ZMYM5: variants seen among roughly 807,000 people sequenced by gnomAD.
ZMYM5 encodes the protein zinc finger MYM-type protein 5.
A neutral mutation model predicts 61.8 loss-of-function variants in ZMYM5; 41 were observed. The observed-to-expected ratio is 0.66, with a 90% CI of 0.52 to 0.86. The LOEUF (loss-of-function observed/expected upper bound fraction) is 0.86, where lower values mean the gene tolerates loss of function less well. Among genes scored for constraint, ZMYM5 ranks in the 40% least tolerant of loss-of-function variants. ZMYM5 has a pLI of 0.00. For missense variants in ZMYM5, 706 were observed against 786.7 expected (o/e 0.90, Z 1.23); for synonymous variants, 257 against 276.4 (o/e 0.93, Z 0.70).
At chr13:19,863,292 G>A (rs1394457521) in intron 1 of ZMYM5, among the ~76,000 whole-genome samples, 158 bp downstream of exon 1, 1 of 151,558 alleles carries the variant, frequency 6.6e-6, no homozygotes, top group Non-Finnish European at 1.5e-5. Flanking sequence ...CAGCCCCTCA[G>A]GCCGGACGCA....
In ZMYM5 at chr13:19,824,371, C is replaced by A; in HGVS notation, c.*106G>T. 1 of 978,600 alleles carries A rather than the reference C, an allele frequency of 1.0e-6. No homozygotes were observed. The highest frequency in any genetic ancestry group is 1.3e-6 in the Non-Finnish European group (1 of 789,730). The allele number at this position is 978,600 out of a possible 1,614,324, so 60.6% of individuals were successfully genotyped here. On this transcript the variant is annotated 3_prime_UTR_variant, in exon 8 of 8. Transcript: ENST00000337963. ...ATTGCTAAGGAACTGCTGCAAGTTA[C>A]TCTGTAGAGGAGACTTACAACACAA... is the stretch of plus-strand genomic sequence containing the variant.
intron 7 of ZMYM5, among the ~76,000 whole-genome samples, chr13:19,831,823 A>G (rs1436779139): frequency 7.5e-6 from 1 of 133,256 alleles, no homozygotes; most frequent in Non-Finnish European, 1.6e-5. Context: ...AACCATATGT[A>G]TAGGTGTATG....
chr13:19,829,430 C>G (rs1421590183), intron 7 of ZMYM5, among the ~76,000 whole-genome samples: 1 of 151,974 alleles, frequency 6.6e-6, no homozygotes, highest in Non-Finnish European at 1.5e-5. Flanking sequence ...TAGCTGGGAC[C>G]ACAGGGGCAT....
At chr13:19,844,278 C>A (rs1258339172) in intron 4 of ZMYM5, among the ~76,000 whole-genome samples, 1 of 152,084 alleles carries the variant, frequency 6.6e-6, no homozygotes, top group African/African-American at 2.4e-5. Flanking sequence ...CCACTGCACT[C>A]CAGCCTGAGC....
At chr13:19,855,024 T>C (rs1385991239) in intron 2 of ZMYM5, among the ~76,000 whole-genome samples, 1 of 152,140 alleles carries the variant, frequency 6.6e-6, no homozygotes. Flanking sequence ...ATAACAAATT[T>C]AAGGAACCAG....
intron 6 of ZMYM5, 35 bp from the exon 7 acceptor site, chr13:19,835,724 T>C (rs372900063): frequency 4.5e-6 from 6 of 1,343,460 alleles, no homozygotes; most frequent in Non-Finnish European, 6.0e-6. Context: ...AACTAAGATA[T>C]ATGAACCAGA....
intron 2 of ZMYM5, among the ~76,000 whole-genome samples, chr13:19,854,572 G>C (rs527857999): frequency 9.2e-4 from 134 of 145,810 alleles, no homozygotes; most frequent in Admixed American, 1.7e-3. Context: ...AGGTTACAGT[G>C]AGCTGAGATT....
At chr13:19,858,997 C>T (rs899442544) in intron 2 of ZMYM5, among the ~76,000 whole-genome samples, 1 of 151,830 alleles carries the variant, frequency 6.6e-6, no homozygotes, top group Non-Finnish European at 1.5e-5. Context: ...GTCTTGGGTT[C>T]ACCAAGCACT....
chr13:19,858,265 G>C (rs776486102), intron 2 of ZMYM5, among the ~76,000 whole-genome samples: 1 of 151,272 alleles, frequency 6.6e-6, no homozygotes, highest in Non-Finnish European at 1.5e-5. Flanking sequence ...ACTCTGCCTA[G>C]AAATCACTAG....
chr13:19,837,468 A>C, intron 6 of ZMYM5, 188 bp downstream of exon 6: 1 of 1,574,378 alleles, frequency 6.4e-7, no homozygotes. Flanking sequence ...TTTCCATGCT[A>C]TGCAAATGGA....
chr13:19,845,152 A>T (rs1279535207), intron 4 of ZMYM5, among the ~76,000 whole-genome samples: 1 of 152,230 alleles, frequency 6.6e-6, no homozygotes, highest in African/African-American at 2.4e-5. Flanking sequence ...ATAAACATTA[A>T]CAGATAATTA....
At position 19,834,455 on chromosome 13, in the gene ZMYM5, ATT is replaced by A. The variant is rs529910957; in HGVS notation, c.1251+1020_1251+1021del. 5.5e-5 allele frequency among the ~76,000 whole-genome samples: 8 copies of A among 145,772 alleles called. No homozygotes were observed. In the South Asian group the frequency reaches 1.7e-3, roughly 32 times the overall value. On this transcript the variant is annotated intron_variant, in intron 7 of 7. Transcript: ENST00000337963. ...CAAAACAGACAACTACCACATTTTA[ATT>A]TTTTTTTTTTTGTAGAGACAGGGTC... is the stretch of plus-strand genomic sequence containing the variant.
At chr13:19,830,805 C>T (rs1376758599) in intron 7 of ZMYM5, among the ~76,000 whole-genome samples, 1 of 151,770 alleles carries the variant, frequency 6.6e-6, no homozygotes, top group Non-Finnish European at 1.5e-5. Flanking sequence ...GACACCTCGC[C>T]CGGCCTTTGC....
At position 19,838,895 on chromosome 13, in the gene ZMYM5, T is replaced by C. The variant is rs114645364; in HGVS notation, c.677A>G (p.Gln226Arg). 9.9e-6 allele frequency: 16 copies of C among 1,614,178 alleles called. No homozygotes were observed. In the African/African-American group the frequency reaches 1.9e-4, roughly 19 times the overall value. The change falls in exon 5 of 8, where the codon CAG (glutamine) becomes CGG (arginine). Residue 226 changes from glutamine to arginine, a missense_variant. Gln to Arg is a conservative substitution (Grantham distance 43). Coordinates refer to ENST00000337963, the MANE Select transcript of ZMYM5 (RefSeq NM_001142684.2). ...TTGTTGGGCTGTAGGCTGGAAATTCTGCTTACGAAGTAAGGCCACTGGTGA... is the reference window on the plus strand; with the variant it reads ...TTGTTGGGCTGTAGGCTGGAAATTCCGCTTACGAAGTAAGGCCACTGGTGA... ...SLSPVALLRK[Q>R]NFQPTAQQQL... is the part of the protein sequence containing the mutation.
intron 2 of ZMYM5, among the ~76,000 whole-genome samples, chr13:19,862,182 G>A (rs986440479): frequency 6.6e-6 from 1 of 152,008 alleles, no homozygotes; most frequent in Non-Finnish European, 1.5e-5. Context: ...TCTTGTTCTG[G>A]AACTTGAGAG....
intron 4 of ZMYM5, among the ~76,000 whole-genome samples, chr13:19,843,015 T>C (rs1218782582): frequency 6.7e-6 from 1 of 149,666 alleles, no homozygotes; most frequent in Non-Finnish European, 1.5e-5. Flanking sequence ...GGAGTTTCGC[T>C]ATGTTGCCCA....
intron 4 of ZMYM5, among the ~76,000 whole-genome samples, chr13:19,847,092 C>A (rs1953100288): frequency 6.6e-6 from 1 of 152,034 alleles, no homozygotes; most frequent in Non-Finnish European, 1.5e-5. Flanking sequence ...GGACTACAGG[C>A]ATGCACAACC....
chr13:19,848,014 A>C (rs1392880312), intron 4 of ZMYM5, among the ~76,000 whole-genome samples: 1 of 151,790 alleles, frequency 6.6e-6, no homozygotes, highest in Non-Finnish European at 1.5e-5. Flanking sequence ...TCTGTCGCCC[A>C]GGCTGGAGTG....
intron 2 of ZMYM5, among the ~76,000 whole-genome samples, chr13:19,853,768 G>A (rs974892341): frequency 2.0e-5 from 3 of 150,896 alleles, no homozygotes; most frequent in African/African-American, 7.3e-5. Flanking sequence ...TTTTGCTAGC[G>A]ACAGGGTTTC....
Sources: gnomAD v4.1 joint callset for allele counts (sites outside exome capture counted in the v4.1 genomes callset) on GRCh38, gnomAD v4.1.1 for gene constraint, MANE v1.5 for transcripts, NCBI Gene and HGNC (gene_info 2026-07-23, HGNC 2026-07-21) for gene names.